The following TRDN variants were observed in gnomAD, a reference collection of about 807,000 sequenced individuals.
The protein encoded by TRDN is triadin, also known as triadin in skeletal muscle.
In TRDN, 161 loss-of-function variants were observed where a neutral mutation model predicts 149.7. The ratio of observed to expected loss-of-function variants is 1.08; its 90% CI spans 0.95 to 1.23. The LOEUF (loss-of-function observed/expected upper bound fraction) is 1.23. Among genes scored for constraint, TRDN ranks in the 50% most tolerant of loss-of-function variants. The pLI, the probability that TRDN is intolerant of heterozygous loss-of-function variation, is 0.00. For missense variants in TRDN, 896 were observed against 823.5 expected, an observed-to-expected ratio of 1.09 and a Z score of -1.08; for synonymous variants, 294 against 250.5, an observed-to-expected ratio of 1.17 and a Z score of -1.64.
chr6:123,633,098 A>G (rs553082063), intron 1 of TRDN, among the ~76,000 whole-genome samples: 106 of 152,170 alleles, frequency 7.0e-4, no homozygotes, highest in African/African-American at 2.3e-3. Context: ...TTATAAGTTG[A>G]GAGTTGGATA....
chr6:123,231,926 G>C (rs13219044), intron 38 of TRDN, among the ~76,000 whole-genome samples: 37,998 of 151,960 alleles, frequency 0.25, 5,689 homozygotes, highest in Non-Finnish European at 0.34. Context: ...ATATGGAGAG[G>C]GTAGAAGGAT....
chr6:123,476,537 T>C (rs930506911), intron 9 of TRDN, among the ~76,000 whole-genome samples: 6 of 139,224 alleles, frequency 4.3e-5, no homozygotes, highest in Non-Finnish European at 9.4e-5. Context: ...AATGACTTTC[T>C]TCACAGAATT....
At chr6:123,390,916 C>G (rs1782087003) in intron 13 of TRDN, among the ~76,000 whole-genome samples, 1 of 152,054 alleles carries the variant, frequency 6.6e-6, no homozygotes, top group African/African-American at 2.4e-5. Flanking sequence ...ATGTTTGCTT[C>G]AGGAATCCAG....
In TRDN at chr6:123,602,991, AT is replaced by A. The variant is rs1319859816; in HGVS notation, c.23-31860del. 2.0e-5 allele frequency among the ~76,000 whole-genome samples: 3 copies of A among 152,146 alleles called. No individual in the cohort carries two copies. The East Asian group carries it at 5.8e-4, about 29-fold the overall frequency. On this transcript the variant is annotated intron_variant, in intron 1 of 40. Coordinates refer to ENST00000334268, the MANE Select transcript of TRDN (RefSeq NM_006073.4). ...AGATTATGCAGCAGCACTAAACTGA[AT>A]TTTAATGTTGGATGTATTATTTAAT... is the stretch of plus-strand genomic sequence containing the variant.
intron 20 of TRDN, among the ~76,000 whole-genome samples, chr6:123,364,369 T>C (rs1781009924): frequency 6.6e-6 from 1 of 152,194 alleles, no homozygotes; most frequent in Non-Finnish European, 1.5e-5. Flanking sequence ...TCGGGCGTGG[T>C]GGCTCACGCC....
In TRDN at chr6:123,414,324, G is replaced by A. The variant is rs144992638; in HGVS notation, c.1052-20647C>T. Among the ~76,000 whole-genome samples the A allele has an allele frequency of 7.7e-3, 1,175 of 152,132 alleles. 14 individuals are homozygous for A. Among genetic ancestry groups the A allele is most frequent in the African/African-American group, 0.027 (1,119 of 41,502 alleles). The stretch of plus-strand genomic sequence containing the variant: ...AAACACAGAATAAGTGTTACCTCAT[G>A]TTTAACGAGAACGTACTCCATAGGA... On this transcript the variant is annotated intron_variant, in intron 12 of 40. Transcript: ENST00000334268.
At chr6:123,269,713 C>T (rs1423086825) in intron 31 of TRDN, 136 bp downstream of exon 31, 1 of 758,376 alleles carries the variant, frequency 1.3e-6, no homozygotes, top group African/African-American at 1.8e-5. Flanking sequence ...ATAGCAATAA[C>T]ATTAATTTAT....
At chr6:123,517,912 T>C (rs7763958) in intron 5 of TRDN, among the ~76,000 whole-genome samples, 2,115 of 152,282 alleles carry the variant, frequency 0.014, 50 homozygotes, top group African/African-American at 0.048. Flanking sequence ...ACTCAGTAAA[T>C]GAAATCCTTA....
intron 33 of TRDN, 132 bp from the exon 34 acceptor site, chr6:123,260,770 A>G (rs1776741653): frequency 2.8e-6 from 2 of 718,716 alleles, no homozygotes; most frequent in Non-Finnish European, 4.1e-6. Context: ...CAATAGGCAC[A>G]CATACTCAAA....
intron 33 of TRDN, among the ~76,000 whole-genome samples, chr6:123,261,686 A>C (rs949080006): frequency 6.6e-6 from 1 of 151,874 alleles, no homozygotes; most frequent in African/African-American, 2.4e-5. Flanking sequence ...TTCAAAAAAA[A>C]ATTAAAATAT....
intron 9 of TRDN, among the ~76,000 whole-genome samples, chr6:123,466,271 T>C (rs1776804736): frequency 6.6e-6 from 1 of 152,198 alleles, no homozygotes; most frequent in Admixed American, 6.5e-5. Context: ...AGAAGGTTGA[T>C]CCACATTATC....
Position 123,603,637 on chromosome 6 carries a change from C to T in TRDN, c.23-32505G>A, listed in dbSNP as rs543022543. Among the ~76,000 whole-genome samples the T allele has an allele frequency of 5.3e-5, 8 of 152,172 alleles. No individual in the cohort carries two copies. The East Asian group carries it at 7.7e-4, about 15-fold the overall frequency. ...TTTCATGTTATGATAATGAAAAAGA[C>T]GGACCTAGACTCTATACTCCTTAAT... On this transcript the variant is annotated intron_variant, in intron 1 of 40. Coordinates refer to ENST00000334268, the MANE Select transcript of TRDN (RefSeq NM_006073.4).
chr6:123,227,083 C>T (rs1267989298), intron 38 of TRDN, among the ~76,000 whole-genome samples: 1 of 151,752 alleles, frequency 6.6e-6, no homozygotes, highest in Non-Finnish European at 1.5e-5. Context: ...GCTAAGTACC[C>T]TCAACTAAAT....
intron 1 of TRDN, among the ~76,000 whole-genome samples, chr6:123,627,258 G>C (rs1415424656): frequency 6.6e-6 from 1 of 151,952 alleles, no homozygotes; most frequent in Non-Finnish European, 1.5e-5. Context: ...AAAATGTCTT[G>C]AAAATCAAAA....
intron 38 of TRDN, among the ~76,000 whole-genome samples, chr6:123,227,721 TTTTGTTTGTTTG>T (rs200078798): frequency 1.5e-5 from 2 of 135,796 alleles, no homozygotes; most frequent in Admixed American, 7.1e-5. Flanking sequence ...GCAAGGACTT[TTTTGTTTGTTTG>T]TTTGTTTGTT....
chr6:123,240,810 T>C (rs1321821398), intron 38 of TRDN, among the ~76,000 whole-genome samples: 1 of 151,938 alleles, frequency 6.6e-6, no homozygotes, highest in African/African-American at 2.4e-5. Context: ...TATTTAAAAG[T>C]CAAAATATTG....
intron 2 of TRDN, among the ~76,000 whole-genome samples, chr6:123,553,225 T>C (rs532883876): frequency 1.1e-3 from 165 of 152,132 alleles, no homozygotes; most frequent in African/African-American, 3.6e-3. Flanking sequence ...TCTCCCAAAC[T>C]CTTCAAGTGC....
chr6:123,611,068 C>G (rs1357231442), intron 1 of TRDN, among the ~76,000 whole-genome samples: 5 of 152,122 alleles, frequency 3.3e-5, no homozygotes. Flanking sequence ...TGAATCAACT[C>G]TGAGAAGACT....
chr6:123,505,093 A>C (rs1056169337), intron 7 of TRDN, among the ~76,000 whole-genome samples: 3 of 151,576 alleles, frequency 2.0e-5, no homozygotes, highest in Non-Finnish European at 2.9e-5. Context: ...AAAATGCAAA[A>C]ATTAGCTGGG....
Sources: gnomAD v4.1 joint callset for allele counts (sites outside exome capture counted in the v4.1 genomes callset) on GRCh38, gnomAD v4.1.1 for gene constraint, MANE v1.5 for transcripts, NCBI Gene and HGNC (gene_info 2026-07-23, HGNC 2026-07-21) for gene names.